Variants in PSMD13 observed in about 807,000 individuals in gnomAD.
PSMD13 encodes the protein proteasome 26S subunit, non-ATPase 13, also known as 26S proteasome non-ATPase regulatory subunit 13.
PSMD13 carries 8 observed loss-of-function variants against 57.4 expected under a neutral mutation model. The observed-to-expected ratio is 0.14, with a 90% CI of 0.08 to 0.25. PSMD13 has a LOEUF of 0.25. Among genes scored for constraint, PSMD13 ranks in the 10% least tolerant of loss-of-function variants. The pLI is 1.00. For synonymous variants in PSMD13, 193 were observed against 168.2 expected (o/e 1.15, Z -1.14); for missense variants, 400 against 461.5 (o/e 0.87, Z 1.22).
At position 252,652 on chromosome 11, in the gene PSMD13, T is replaced by C. The variant is rs774772542; in HGVS notation, c.*52T>C. On this transcript the variant is annotated 3_prime_UTR_variant, in exon 13 of 13. Transcript: ENST00000532097. This position sits in a 1 kb window ranked among gnomAD's most constrained non-coding sequence, Gnocchi z 4.1. ...CTTTGACTCACCTGAGAGAGGCGTT[T>C]GCAGCCAATGAAGCTGGCTGCTCAG... 7.7e-6 allele frequency: 12 copies of C among 1,551,352 alleles called. No homozygotes were observed. In the Admixed American group the frequency reaches 2.0e-4, roughly 26 times the overall value.
At chr11:237,725 T>C (rs1489239010) in intron 1 of PSMD13, among the ~76,000 whole-genome samples, 2 of 152,254 alleles carry the variant, frequency 1.3e-5, no homozygotes, top group African/African-American at 4.8e-5. Flanking sequence ...TTCCATTGTA[T>C]TTCTCATGGG....
chr11:244,641 C>G, intron 5 of PSMD13, 34 bp from the exon 6 acceptor site: 2 of 1,586,578 alleles, frequency 1.3e-6, no homozygotes, highest in Non-Finnish European at 1.7e-6. Context: ...TGCCCACATT[C>G]TGAGGTTTCT....
At chr11:250,935 C>A in intron 10 of PSMD13, 70 bp downstream of exon 10, 1 of 1,372,302 alleles carries the variant, frequency 7.3e-7, no homozygotes, top group South Asian at 1.2e-5. Flanking sequence ...GCTGCACTCT[C>A]CAAGCCTGTG....
intron 6 of PSMD13, 95 bp from the exon 7 acceptor site, chr11:247,182 A>C: frequency 7.6e-7 from 1 of 1,316,450 alleles, no homozygotes; most frequent in African/African-American, 1.5e-5. Flanking sequence ...CAGGAGTTCA[A>C]GACCACCCTA....
Position 252,748 on chromosome 11 carries a change from A to T in PSMD13, c.*148A>T. The T allele has an allele frequency of 1.4e-6, 1 of 699,314 alleles. No homozygotes were observed. The allele number at this position is 699,314 out of a possible 1,614,324, so 43.3% of individuals were successfully genotyped here. ...TACAGACTGTTCTTGCTCTAAAAACAGGACTGTCCCTGATGGGAGCCAGGC... is the reference window on the plus strand; with the variant it reads ...TACAGACTGTTCTTGCTCTAAAAACTGGACTGTCCCTGATGGGAGCCAGGC... On this transcript the variant is annotated 3_prime_UTR_variant, in exon 13 of 13. Coordinates refer to ENST00000532097, the MANE Select transcript of PSMD13 (RefSeq NM_002817.4). This position sits in a 1 kb window ranked among gnomAD's most constrained non-coding sequence, Gnocchi z 4.1.
At chr11:239,251 C>T (rs1035053199) in intron 2 of PSMD13, among the ~76,000 whole-genome samples, 175 bp downstream of exon 2, 3 of 152,186 alleles carry the variant, frequency 2.0e-5, no homozygotes, top group African/African-American at 7.2e-5. Context: ...TCAGTAGATA[C>T]TACTATCTCA....
Position 247,327 on chromosome 11 carries a change from A to T in PSMD13, c.447A>T (p.Thr149=). ...EEMLNNLPGV[T]SVHSRFYDLS... ...TGCTCAACAACCTTCCTGGTGTGAC[A>T]TCGGTTCACAGTCGTTTCTATGATC... Residue 149 remains threonine (T), a synonymous_variant, in exon 7 of 13, where the codon ACA becomes ACT. Coordinates refer to ENST00000532097, the MANE Select transcript of PSMD13 (RefSeq NM_002817.4). 6.2e-7 allele frequency: 1 copy of T among 1,614,126 alleles called. No individual in the cohort carries two copies. Among genetic ancestry groups the T allele is most frequent in the Admixed American group, 1.7e-5 (1 of 60,008 alleles).
intron 6 of PSMD13, among the ~76,000 whole-genome samples, chr11:245,720 G>T (rs1317430898): frequency 0.018 from 1,889 of 107,814 alleles, 78 homozygotes; most frequent in African/African-American, 0.06. Flanking sequence ...GTTTGTGTGT[G>T]TGTGTTTGTG....
At chr11:250,964 C>A in intron 10 of PSMD13, 99 bp downstream of exon 10, 1 of 1,056,644 alleles carries the variant, frequency 9.5e-7, no homozygotes, top group Non-Finnish European at 1.5e-6. Context: ...TGTGAGCTTT[C>A]AGTGGTGCTG....
Position 251,738 on chromosome 11 carries a change from G to T in PSMD13, c.919-82G>T, listed in dbSNP as rs1859768652. The T allele has an allele frequency of 6.5e-7, 1 of 1,533,062 alleles. No individual in the cohort carries two copies. Among genetic ancestry groups the T allele is most frequent in the African/African-American group, 1.4e-5 (1 of 72,944 alleles). The allele number at this position is 1,533,062 out of a possible 1,614,324, so 95.0% of individuals were successfully genotyped here. On this transcript the variant is annotated intron_variant, in intron 11 of 12. Coordinates refer to ENST00000532097, the MANE Select transcript of PSMD13 (RefSeq NM_002817.4). The surrounding 1 kb of genome is among the most constrained non-coding windows in gnomAD (Gnocchi z 4.6). ...ACAGTAAAAAATGACGGGAGGAGCG[G>T]CATCTGCTTCTCACAAGCCATCTGG...
chr11:237,239 G>T, intron 1 of PSMD13, 95 bp downstream of exon 1: 1 of 1,205,486 alleles, frequency 8.3e-7, no homozygotes, highest in Non-Finnish European at 1.2e-6. Context: ...GGCTGAGGGC[G>T]CCCAGACCCA....
intron 2 of PSMD13, 109 bp downstream of exon 2, chr11:239,185 C>T: frequency 2.8e-6 from 3 of 1,070,570 alleles, no homozygotes; most frequent in South Asian, 1.3e-5. Flanking sequence ...ATTCAGCAGT[C>T]ACTTTACGTC....
chr11:237,510 C>T (rs1859331885), intron 1 of PSMD13, among the ~76,000 whole-genome samples: 1 of 152,192 alleles, frequency 6.6e-6, no homozygotes. Context: ...AACAAGCAAA[C>T]ACACTTTCAG....
At chr11:245,702 TTGTGTGTGTTTGTGTGTGTGTGTTTGTG>T (rs111972919) in intron 6 of PSMD13, among the ~76,000 whole-genome samples, 9 of 31,718 alleles carry the variant, frequency 2.8e-4, no homozygotes, top group South Asian at 9.8e-4. Context: ...GTTCGTGTGT[TTGTGTGTGTTTGTGTGTGTGTGTTTGTG>T]TGTGTGTGTG....
intron 2 of PSMD13, 136 bp downstream of exon 2, chr11:239,212 G>A (rs1275978532): frequency 6.1e-6 from 5 of 813,574 alleles, no homozygotes; most frequent in African/African-American, 1.7e-5. Context: ...TGGTCTGAGC[G>A]CTTCACATAT....
Position 252,202 on chromosome 11 carries a change from C to T in PSMD13, c.1035+266C>T. 1.9e-6 allele frequency: 1 copy of T among 516,696 alleles called. No homozygotes were observed. Among genetic ancestry groups the T allele is most frequent in the Non-Finnish European group, 3.5e-6 (1 of 287,288 alleles). The allele number at this position is 516,696 out of a possible 1,614,324, so 32.0% of individuals were successfully genotyped here. On this transcript the variant is annotated intron_variant, in intron 12 of 12. Transcript: ENST00000532097. This position sits in a 1 kb window ranked among gnomAD's most constrained non-coding sequence, Gnocchi z 4.1. The stretch of plus-strand genomic sequence containing the variant: ...TTAATCTTAAGATAGGAGCTCTGAT[C>T]AGATACGTTCCTGGTTCTGTGATTT...
rs1418951571 is a variant in PSMD13, at chr11:249,039, G to C, written c.756G>C (p.Lys252Asn). The change falls in exon 9 of 13, where the codon AAG becomes AAC. Residue 252 changes from lysine to asparagine, a missense_variant. Transcript: ENST00000532097. ...SGNVERFQTLKTAWGQQPDLA... is the reference protein window; with the variant it reads ...SGNVERFQTLNTAWGQQPDLA... ...ACGTAGAGCGGTTCCAGACTCTGAA[G>C]ACTGCCTGGGGCCAGCAGGTAGGAC... is the stretch of plus-strand genomic sequence containing the variant. 6.2e-7 allele frequency: 1 copy of C among 1,612,970 alleles called. No individual in the cohort carries two copies. Among genetic ancestry groups the C allele is most frequent in the East Asian group, 2.2e-5 (1 of 44,902 alleles).
At chr11:243,203 C>T (rs1859554567) in intron 2 of PSMD13, 1 of 616,418 alleles carries the variant, frequency 1.6e-6, no homozygotes, top group South Asian at 1.5e-5. Flanking sequence ...ATCATTTATG[C>T]TGCACACAAC....
At chr11:247,567 C>T (rs2133989982) in intron 7 of PSMD13, 119 bp downstream of exon 7, 2 of 1,160,084 alleles carry the variant, frequency 1.7e-6, no homozygotes, top group Non-Finnish European at 2.4e-6. Context: ...CACGGTGGCT[C>T]ACGCCTGTAA....
Sources: allele counts gnomAD v4.1 joint callset (sites outside exome capture counted in the v4.1 genomes callset), GRCh38; gene constraint gnomAD v4.1.1; non-coding constraint Gnocchi (gnomAD v3.1); transcripts MANE v1.5; gene names NCBI Gene and HGNC (gene_info 2026-07-23, HGNC 2026-07-21).